Variants in GALNT14 observed in about 807,000 individuals in gnomAD.
GALNT14 encodes the protein UDP-GalNAc:polypeptide N-acetylgalactosaminyltransferase 14.
In GALNT14, 60 loss-of-function variants were observed where a neutral mutation model predicts 77.5. That is an observed-to-expected ratio of 0.77 (90% CI 0.63 to 0.96). The LOEUF (loss-of-function observed/expected upper bound fraction) is 0.96, where lower values mean the gene tolerates loss of function less well. Ranked by LOEUF, GALNT14 falls within the 40% of genes least tolerant of loss-of-function variation. The pLI, the probability that GALNT14 is intolerant of heterozygous loss-of-function variation, is 0.00. For synonymous variants in GALNT14, 280 were observed against 281.7 expected, an observed-to-expected ratio of 0.99 and a Z score of 0.06; for missense variants, 710 against 731.0, an observed-to-expected ratio of 0.97 and a Z score of 0.33.
intron 8 of GALNT14, among the ~76,000 whole-genome samples, chr2:30,944,486 G>A (rs534365439): frequency 1.4e-4 from 22 of 152,328 alleles, no homozygotes; most frequent in Admixed American, 1.4e-3. Flanking sequence ...TCTCTGGGCT[G>A]AATCCTGATG....
chr2:30,922,812 T>A (rs1665111317), intron 13 of GALNT14, among the ~76,000 whole-genome samples: 2 of 152,252 alleles, frequency 1.3e-5, no homozygotes, highest in African/African-American at 4.8e-5. Context: ...TAGTCTTTCA[T>A]CTCTGCATCT....
chr2:30,994,025 A>T (rs1373520481), intron 1 of GALNT14, among the ~76,000 whole-genome samples: 1 of 152,234 alleles, frequency 6.6e-6, no homozygotes, highest in Non-Finnish European at 1.5e-5. Context: ...AATGCATGTT[A>T]GCACTCTCAC....
chr2:31,107,489 C>T (rs532643559), intron 1 of GALNT14, among the ~76,000 whole-genome samples: 1 of 152,266 alleles, frequency 6.6e-6, no homozygotes, highest in African/African-American at 2.4e-5. Flanking sequence ...CTGAAAATGG[C>T]ATTTCGGAGT....
chr2:30,987,270 G>T (rs751212142), intron 2 of GALNT14, among the ~76,000 whole-genome samples: 1 of 152,120 alleles, frequency 6.6e-6, no homozygotes, highest in Non-Finnish European at 1.5e-5. Context: ...TAAGGGGTGA[G>T]GTGGGCATGG....
At chr2:30,938,384 ACTCT>A (rs1553339835) in intron 9 of GALNT14, among the ~76,000 whole-genome samples, 7,099 of 141,648 alleles carry the variant, frequency 0.05, 565 homozygotes, top group African/African-American at 0.17. Flanking sequence ...ACACACACAC[ACTCT>A]CTCTCTCTCT....
intron 13 of GALNT14, among the ~76,000 whole-genome samples, chr2:30,920,318 T>C (rs1664953025): frequency 6.6e-6 from 1 of 152,232 alleles, no homozygotes; most frequent in Admixed American, 6.5e-5. Context: ...AACAGGCTTT[T>C]ATGTCACTTC....
intron 1 of GALNT14, among the ~76,000 whole-genome samples, chr2:31,055,472 T>C (rs959780627): frequency 6.6e-6 from 1 of 152,146 alleles, no homozygotes; most frequent in African/African-American, 2.4e-5. Context: ...AATAGAACAG[T>C]CCAGGTCAAC....
chr2:31,010,294 C>T (rs556604874), intron 1 of GALNT14, among the ~76,000 whole-genome samples: 23 of 152,148 alleles, frequency 1.5e-4, no homozygotes, highest in Non-Finnish European at 2.4e-4. Context: ...GGCCCAAAGT[C>T]GCCTTCTTAA....
chr2:31,061,413 C>T (rs1292141786), intron 1 of GALNT14, among the ~76,000 whole-genome samples: 1 of 152,116 alleles, frequency 6.6e-6, no homozygotes, highest in Non-Finnish European at 1.5e-5. Context: ...TAAAATCATG[C>T]CACCACAGTC....
intron 1 of GALNT14, among the ~76,000 whole-genome samples, chr2:31,006,360 T>C (rs1670675214): frequency 6.6e-6 from 1 of 152,066 alleles, no homozygotes; most frequent in Non-Finnish European, 1.5e-5. Flanking sequence ...CAACTAATAG[T>C]GGTGTAGCGT....
chr2:31,059,177 T>C (rs1209171572), intron 1 of GALNT14, among the ~76,000 whole-genome samples: 3 of 152,248 alleles, frequency 2.0e-5, no homozygotes. Flanking sequence ...ACAATATTTC[T>C]TAAGCCTTGG....
At chr2:30,947,288 A>G (rs542924661) in intron 6 of GALNT14, among the ~76,000 whole-genome samples, 30 of 152,352 alleles carry the variant, frequency 2.0e-4, no homozygotes, top group African/African-American at 7.2e-4. Context: ...AAGACAAAGT[A>G]CAAACTCCTT....
chr2:31,076,627 A>ATT (rs1197999580), intron 1 of GALNT14, among the ~76,000 whole-genome samples: 3 of 120,052 alleles, frequency 2.5e-5, no homozygotes, highest in African/African-American at 9.9e-5. Flanking sequence ...ATATATATAT[A>ATT]TATTTTTTTT....
chr2:31,101,778 C>T lies in GALNT14; in HGVS notation c.129+36180G>A, dbSNP rs144037707. Among the ~76,000 whole-genome samples, 298 of 152,096 alleles carry T rather than the reference C, an allele frequency of 2.0e-3. 1 individual carries two copies. The highest frequency in any genetic ancestry group is 5.7e-3 in the African/African-American group (238 of 41,486). ...GGCTGTGTTCCCACCCAAATTTCATCTTGAATTTTAGTTCCCATAATCCCC... is the reference window on the plus strand; with the variant it reads ...GGCTGTGTTCCCACCCAAATTTCATTTTGAATTTTAGTTCCCATAATCCCC... On this transcript the variant is annotated intron_variant, in intron 1 of 14. Coordinates refer to ENST00000349752, the MANE Select transcript of GALNT14 (RefSeq NM_024572.4).
chr2:31,055,686 G>A (rs556146211), intron 1 of GALNT14, among the ~76,000 whole-genome samples: 6 of 152,252 alleles, frequency 3.9e-5, no homozygotes, highest in East Asian at 1.9e-4. Context: ...CCTTGGCAAC[G>A]GATCCCTAGA....
intron 1 of GALNT14, chr2:31,132,791 A>C (rs1679053759): frequency 6.4e-6 from 3 of 466,380 alleles, no homozygotes; most frequent in South Asian, 4.7e-5. Context: ...TTGTAGGACT[A>C]ACGAATTAGC....
Position 30,919,068 on chromosome 2 carries a change from G to A in GALNT14, c.1380+5051C>T, listed in dbSNP as rs756546308. On this transcript the variant is annotated intron_variant, in intron 13 of 14. Transcript: ENST00000349752. ...CCACACACTGGGAGACAGGTAAAAG[G>A]ACGAGCTAAAAATATATCTTATGTT... Among the ~76,000 whole-genome samples, 10 of 152,312 alleles carry A rather than the reference G, an allele frequency of 6.6e-5. No homozygotes were observed. The East Asian group carries it at 1.9e-3, about 29-fold the overall frequency.
rs139773883 is a variant in GALNT14 at position 31,018,020 on chromosome 2, G to A, written c.130-25013C>T. Among the ~76,000 whole-genome samples, 8 of 152,334 alleles carry A rather than the reference G, an allele frequency of 5.3e-5. No individual in the cohort carries two copies. In the East Asian group the frequency reaches 1.4e-3, roughly 26 times the overall value. ...GGGGGCTGTACTCCACTCATTTCCC[G>A]AGTACGGTCAGGGCCAGCCACTCAG... On this transcript the variant is annotated intron_variant, in intron 1 of 14. Coordinates refer to ENST00000349752, the MANE Select transcript of GALNT14 (RefSeq NM_024572.4).
intron 1 of GALNT14, among the ~76,000 whole-genome samples, chr2:31,031,468 T>C (rs1672407008): frequency 6.6e-6 from 1 of 152,192 alleles, no homozygotes; most frequent in South Asian, 2.1e-4. Flanking sequence ...CTAAGATGAC[T>C]AAAATCTTAC....
Sources: allele counts gnomAD v4.1 joint callset (sites outside exome capture counted in the v4.1 genomes callset), GRCh38; gene constraint gnomAD v4.1.1; transcripts MANE v1.5; gene names NCBI Gene and HGNC (gene_info 2026-07-23, HGNC 2026-07-21).